TMEM132C: variants seen among roughly 807,000 people sequenced by gnomAD.
TMEM132C encodes protein phosphatase 1, regulatory subunit 152.
Under a neutral mutation model 61.4 loss-of-function variants are expected in TMEM132C, and 29 were observed. That is an observed-to-expected ratio of 0.47 (90% CI 0.35 to 0.64). TMEM132C has a LOEUF of 0.64. Ranked by LOEUF, TMEM132C falls within the 30% of genes least tolerant of loss-of-function variation. The pLI, the probability that TMEM132C is intolerant of heterozygous loss-of-function variation, is 0.00. For missense variants in TMEM132C, 1,408 were observed against 1,476.9 expected (o/e 0.95, Z 0.76); for synonymous variants, 656 against 633.1 (o/e 1.04, Z -0.54).
At chr12:128,594,499 C>T (rs1456297199) in intron 3 of TMEM132C, among the ~76,000 whole-genome samples, 1 of 152,092 alleles carries the variant, frequency 6.6e-6, no homozygotes, top group Non-Finnish European at 1.5e-5. Flanking sequence ...AAAGAATGCA[C>T]ATTGCACGGT....
At chr12:128,525,459 C>T (rs1873054233) in intron 2 of TMEM132C, among the ~76,000 whole-genome samples, 1 of 152,064 alleles carries the variant, frequency 6.6e-6, no homozygotes, top group Non-Finnish European at 1.5e-5. Context: ...AACCTCCATA[C>T]ATCCTGTTCT....
chr12:128,615,962 T>G (rs1876786757), intron 3 of TMEM132C, among the ~76,000 whole-genome samples, 190 bp from the exon 4 acceptor site: 1 of 152,242 alleles, frequency 6.6e-6, no homozygotes, highest in African/African-American at 2.4e-5. Flanking sequence ...CCTTAACTTG[T>G]GGGTGCTTCT....
rs181638840 is a variant in TMEM132C at position 128,431,200 on chromosome 12, G to A, written c.974+15580G>A. Among the ~76,000 whole-genome samples, 468 of 152,326 alleles carry A rather than the reference G, an allele frequency of 3.1e-3. 2 individuals carry two copies. The highest frequency in any genetic ancestry group is 4.1e-3 in the Admixed American group (63 of 15,298). On this transcript the variant is annotated intron_variant, in intron 2 of 8. Coordinates refer to ENST00000435159, the MANE Select transcript of TMEM132C (RefSeq NM_001136103.3). ...GGCTGATATGGAGAAAGTTTTAGGG[G>A]TCTGGATGGAAAATCAAACCATCCA...
intron 2 of TMEM132C, among the ~76,000 whole-genome samples, chr12:128,535,724 C>A (rs990341569): frequency 6.6e-6 from 1 of 152,090 alleles, no homozygotes; most frequent in Non-Finnish European, 1.5e-5. Context: ...AAAAATTAAT[C>A]AGGCATGGTG....
intron 1 of TMEM132C, among the ~76,000 whole-genome samples, chr12:128,286,855 G>A (rs370212045): frequency 1.1e-4 from 16 of 152,278 alleles, no homozygotes; most frequent in South Asian, 2.1e-4. Context: ...TGCCGGGCAC[G>A]TGAGATTATT....
intron 2 of TMEM132C, among the ~76,000 whole-genome samples, chr12:128,431,522 A>G (rs1484725238): frequency 7.0e-6 from 1 of 143,468 alleles, no homozygotes; most frequent in Non-Finnish European, 1.5e-5. Flanking sequence ...TTCCTCTTGG[A>G]TCTCTTGGAT....
intron 2 of TMEM132C, among the ~76,000 whole-genome samples, chr12:128,487,665 G>A (rs1181239714): frequency 2.7e-5 from 4 of 150,360 alleles, no homozygotes; most frequent in African/African-American, 7.4e-5. Context: ...AGGCACACAC[G>A]TGAAAGACGT....
intron 4 of TMEM132C, among the ~76,000 whole-genome samples, chr12:128,660,014 G>A (rs149159689): frequency 1.2e-3 from 181 of 152,310 alleles, no homozygotes; most frequent in African/African-American, 4.2e-3. Flanking sequence ...CATTCTTGAC[G>A]TCGTCTCTTC....
chr12:128,557,975 T>C (rs972199146), intron 3 of TMEM132C, among the ~76,000 whole-genome samples: 1 of 152,240 alleles, frequency 6.6e-6, no homozygotes, highest in Non-Finnish European at 1.5e-5. Context: ...ACATCTTGGC[T>C]CTTCTGCGTG....
At chr12:128,657,769 GC>G (rs1954341347) in intron 4 of TMEM132C, among the ~76,000 whole-genome samples, 1 of 152,196 alleles carries the variant, frequency 6.6e-6, no homozygotes, top group Non-Finnish European at 1.5e-5. Flanking sequence ...TTGGTCTGGT[GC>G]AGCTACAGGG....
intron 2 of TMEM132C, among the ~76,000 whole-genome samples, chr12:128,476,638 T>C (rs1411665197): frequency 6.6e-6 from 1 of 152,238 alleles, no homozygotes; most frequent in Non-Finnish European, 1.5e-5. Context: ...GCATTTTAAC[T>C]ATTTAGATCT....
chr12:128,332,900 C>T (rs749424834), intron 1 of TMEM132C, among the ~76,000 whole-genome samples: 1 of 152,200 alleles, frequency 6.6e-6, no homozygotes. Context: ...CTGTAGAGAC[C>T]TCCACCCTCC....
At chr12:128,279,395 G>C (rs1870808441) in intron 1 of TMEM132C, among the ~76,000 whole-genome samples, 1 of 152,186 alleles carries the variant, frequency 6.6e-6, no homozygotes, top group East Asian at 1.9e-4. Context: ...AACACCAGCT[G>C]CATGTTTAAG....
intron 2 of TMEM132C, chr12:128,438,217 G>A (rs1033976973): frequency 4.6e-5 from 7 of 152,074 alleles, no homozygotes; most frequent in African/African-American, 1.7e-4. Flanking sequence ...TTGAACCCCA[G>A]TGTTGGAGTT....
intron 4 of TMEM132C, among the ~76,000 whole-genome samples, chr12:128,641,137 C>T (rs990919809): frequency 6.6e-6 from 1 of 152,082 alleles, no homozygotes; most frequent in Non-Finnish European, 1.5e-5. Flanking sequence ...TGACACTAGA[C>T]GGTGCCCCCT....
intron 1 of TMEM132C, among the ~76,000 whole-genome samples, chr12:128,348,466 T>C (rs1474544093): frequency 6.6e-6 from 1 of 152,228 alleles, no homozygotes; most frequent in Non-Finnish European, 1.5e-5. Flanking sequence ...CAGTACAACA[T>C]CAAGTAGACA....
intron 1 of TMEM132C, among the ~76,000 whole-genome samples, chr12:128,298,936 T>C (rs1045594650): frequency 2.6e-5 from 4 of 152,190 alleles, no homozygotes; most frequent in Admixed American, 6.5e-5. Flanking sequence ...GTTTTTTCTC[T>C]TTTATTTGGT....
chr12:128,457,160 C>T (rs977780361), intron 2 of TMEM132C, among the ~76,000 whole-genome samples: 4 of 152,014 alleles, frequency 2.6e-5, no homozygotes, highest in East Asian at 3.9e-4. Context: ...AATTGCTGCT[C>T]ATAGGGTAAG....
chr12:128,272,169 A>G (rs1056893386), intron 1 of TMEM132C, among the ~76,000 whole-genome samples: 1 of 152,102 alleles, frequency 6.6e-6, no homozygotes, highest in Non-Finnish European at 1.5e-5. Context: ...CAAAATTTCT[A>G]TTTGCCTTTG....
Sources: gnomAD v4.1 joint callset for allele counts (sites outside exome capture counted in the v4.1 genomes callset) on GRCh38, gnomAD v4.1.1 for gene constraint, MANE v1.5 for transcripts, NCBI Gene and HGNC (gene_info 2026-07-23, HGNC 2026-07-21) for gene names.